The following BBS4 variants were observed in gnomAD, a reference collection of about 807,000 sequenced individuals.
The protein encoded by BBS4 is Bardet-Biedl syndrome 4, also known as BBSome complex member BBS4.
In BBS4, 58 loss-of-function variants were observed where a neutral mutation model predicts 71.4. The ratio of observed to expected loss-of-function variants is 0.81; its 90% CI spans 0.66 to 1.01. The LOEUF is 1.01. Ranked by LOEUF, BBS4 falls within the 50% of genes least tolerant of loss-of-function variation. The pLI is 0.00. For missense variants in BBS4, 660 were observed against 607.9 expected (o/e 1.09, Z -0.90); for synonymous variants, 228 against 216.8 (o/e 1.05, Z -0.46).
chr15:72,721,006 C>A (rs74024330), intron 6 of BBS4, among the ~76,000 whole-genome samples: 14,923 of 152,198 alleles, frequency 0.098, 826 homozygotes, highest in Non-Finnish European at 0.12. Context: ...TACTGTAGAG[C>A]AGGACATTTA....
chr15:72,689,510 A>T (rs918556929), intron 1 of BBS4, among the ~76,000 whole-genome samples: 2 of 152,162 alleles, frequency 1.3e-5, no homozygotes, highest in Admixed American at 1.3e-4. Flanking sequence ...AGGTGAGAGG[A>T]TAACTTGAGT....
chr15:72,735,734 AGTTTT>A (rs912541569), intron 13 of BBS4, 86 bp from the exon 14 acceptor site: 25 of 1,504,844 alleles, frequency 1.7e-5, no homozygotes, highest in Non-Finnish European at 2.0e-5. Flanking sequence ...CTACTTAACC[AGTTTT>A]GTTTTGTTTT....
chr15:72,725,050 A>G lies in BBS4; in HGVS notation c.587+395A>G, dbSNP rs1286248521. On this transcript the variant is annotated intron_variant, in intron 8 of 15. Coordinates refer to ENST00000268057, the MANE Select transcript of BBS4 (RefSeq NM_033028.5). ...AATAAGCATCTGGCTATATATATATATATATATAGAGAGAGAGAGAGAGAG... is the reference window on the plus strand; with the variant it reads ...AATAAGCATCTGGCTATATATATATGTATATATAGAGAGAGAGAGAGAGAG... Among the ~76,000 whole-genome samples the G allele has an allele frequency of 2.9e-5, 3 of 102,782 alleles. No individual in the cohort carries two copies. In the East Asian group the frequency reaches 7.6e-4, roughly 26 times the overall value. The allele number at this position is 102,782 out of a possible 152,430, so 67.4% of individuals were successfully genotyped here. A position where few individuals can be genotyped will look rare whatever the true frequency, so the allele number is the denominator to read the frequency against.
At chr15:72,728,084 ATTTT>A in intron 9 of BBS4, 90 bp downstream of exon 9, 2 of 891,708 alleles carry the variant, frequency 2.2e-6, no homozygotes, top group Non-Finnish European at 3.7e-6. Flanking sequence ...TCTGATATTT[ATTTT>A]ATTAAAGGTC....
At position 72,705,627 on chromosome 15, in the gene BBS4, C is replaced by T. The variant is rs79809038; in HGVS notation, c.77-4073C>T. 6.3e-5 allele frequency among the ~76,000 whole-genome samples: 8 copies of T among 126,774 alleles called. No homozygotes were observed. The East Asian group carries it at 2.0e-3, about 32-fold the overall frequency. The allele number at this position is 126,774 out of a possible 152,430, so 83.2% of individuals were successfully genotyped here. The stretch of plus-strand genomic sequence containing the variant: ...TTTTTTTTTGAGACTGGGTCTCACT[C>T]TGTCACCCAGGTTGGAGTGCAGTGC... On this transcript the variant is annotated intron_variant, in intron 2 of 15. Transcript: ENST00000268057.
Position 72,735,907 on chromosome 15 carries a change from G to T in BBS4, c.1189G>T (p.Glu397Ter). The part of the protein sequence containing the change: ...EKKNALAQYQ[E>*]MEKKVSLLKD... ...GAAGAACGCCCTGGCCCAATATCAG[G>T]AGATGGAGAAGAAAGTCAGCCTACT... Residue 397 changes from glutamate (E) to a stop codon, truncating the protein, a stop_gained, in exon 14 of 16, where the codon GAG becomes TAG. Coordinates refer to ENST00000268057, the MANE Select transcript of BBS4 (RefSeq NM_033028.5). LOFTEE classifies it high-confidence loss of function. The T allele has an allele frequency of 6.2e-7, 1 of 1,614,134 alleles. No homozygotes were observed. The highest frequency in any genetic ancestry group is 8.5e-7 in the Non-Finnish European group (1 of 1,180,026).
At chr15:72,711,013 G>A (rs1020673970) in intron 3 of BBS4, among the ~76,000 whole-genome samples, 1 of 150,462 alleles carries the variant, frequency 6.6e-6, no homozygotes, top group African/African-American at 2.5e-5. Context: ...ATGTTGGTCA[G>A]GCTGGTCTCA....
chr15:72,727,852 A>C, intron 8 of BBS4, 88 bp from the exon 9 acceptor site: 1 of 1,007,674 alleles, frequency 9.9e-7, no homozygotes, highest in Non-Finnish European at 1.6e-6. Flanking sequence ...GGGGTCTGTC[A>C]AGTATTGCAC....
rs1246580209 is a variant in BBS4, at chr15:72,702,800, CTCTTTTTT to C, written c.77-6898_77-6891del. ...TCTTTTTGGTATAGTGAGGAGCTGA[CTCTTTTTT>C]TTTTTTTTTTTTTTTTTGAGACGGA... On this transcript the variant is annotated intron_variant, in intron 2 of 15. Coordinates refer to ENST00000268057, the MANE Select transcript of BBS4 (RefSeq NM_033028.5). Among the ~76,000 whole-genome samples the C allele has an allele frequency of 6.6e-4, 28 of 42,138 alleles. 1 individual carries two copies. The South Asian group carries it at 0.011, about 17-fold the overall frequency. 27.6% of individuals were successfully genotyped at this position (42,138 alleles called of 152,430 possible).
chr15:72,727,287 C>T (rs1296932694), intron 8 of BBS4, among the ~76,000 whole-genome samples: 6 of 152,198 alleles, frequency 3.9e-5, no homozygotes, highest in African/African-American at 1.4e-4. Flanking sequence ...ATCATCTCAA[C>T]TCAGTGTTGC....
At chr15:72,695,946 T>C (rs1268626096) in intron 2 of BBS4, among the ~76,000 whole-genome samples, 1 of 152,232 alleles carries the variant, frequency 6.6e-6, no homozygotes, top group Admixed American at 6.5e-5. Flanking sequence ...AAATAATGTG[T>C]ATTCTGCTCT....
chr15:72,702,900 C>A (rs988530688), intron 2 of BBS4, among the ~76,000 whole-genome samples: 53 of 147,110 alleles, frequency 3.6e-4, no homozygotes, highest in African/African-American at 1.3e-3. Context: ...CTCCGCCTTC[C>A]GGGTTCACGC....
rs1190895619 is a variant in BBS4, at chr15:72,731,617, T to C, written c.927T>C (p.Asn309=). 1 of 1,614,214 alleles carries C rather than the reference T, an allele frequency of 6.2e-7. No homozygotes were observed. Among genetic ancestry groups the C allele is most frequent in the Non-Finnish European group, 8.5e-7 (1 of 1,180,030 alleles). ...LAPFDWKILY[N]LGLVHLTMQQ... is the part of the protein sequence containing the mutation. ...CCTTTGATTGGAAGATTCTGTATAA[T>C]TTGGGCCTTGTCCATTTGACCATGC... is the stretch of plus-strand genomic sequence containing the variant. The change falls in exon 12 of 16, where the codon AAT becomes AAC. Residue 309 remains asparagine (N), a synonymous_variant. Transcript: ENST00000268057.
intron 8 of BBS4, among the ~76,000 whole-genome samples, chr15:72,726,386 G>A (rs1359263910): frequency 2.6e-5 from 4 of 151,406 alleles, no homozygotes. Flanking sequence ...TGCTGGGATT[G>A]CAGGCGTGAA....
At chr15:72,694,174 G>A (rs1216918537) in intron 1 of BBS4, among the ~76,000 whole-genome samples, 3 of 143,744 alleles carry the variant, frequency 2.1e-5, no homozygotes. Flanking sequence ...CATGAGGCAC[G>A]GCGTCTGGCC....
Position 72,714,903 on chromosome 15 carries a change from A to G in BBS4, c.221-388A>G, listed in dbSNP as rs1555499775. Among the ~76,000 whole-genome samples, 3 of 152,220 alleles carry G rather than the reference A, an allele frequency of 2.0e-5. 1 individual carries two copies. Among genetic ancestry groups the G allele is most frequent in the Non-Finnish European group, 4.4e-5 (3 of 68,040 alleles). ...TTGAGGTATTGATTCCATTTGCCCC[A>G]TTTGGGGGTTCGCTCTGAAAACTAT... On this transcript the variant is annotated intron_variant, in intron 4 of 15. Transcript: ENST00000268057.
At chr15:72,698,379 A>G (rs1238643586) in intron 2 of BBS4, among the ~76,000 whole-genome samples, 2 of 152,194 alleles carry the variant, frequency 1.3e-5, no homozygotes, top group African/African-American at 4.8e-5. Context: ...CCATTAAACA[A>G]TAAATCTCCA....
intron 1 of BBS4, chr15:72,686,723 C>T (rs1042722146): frequency 1.2e-5 from 6 of 500,294 alleles, no homozygotes; most frequent in Non-Finnish European, 2.0e-5. Flanking sequence ...TGGAATTCAT[C>T]TGAAGGCTGA....
chr15:72,730,872 TAGAA>T (rs776024167), intron 10 of BBS4, among the ~76,000 whole-genome samples: 6 of 152,094 alleles, frequency 3.9e-5, no homozygotes, highest in Non-Finnish European at 2.9e-5. Context: ...TGTTCTACGG[TAGAA>T]AGAAATTTAC....
Sources: gnomAD v4.1 joint callset for allele counts (sites outside exome capture counted in the v4.1 genomes callset) on GRCh38, gnomAD v4.1.1 for gene constraint, MANE v1.5 for transcripts, NCBI Gene and HGNC (gene_info 2026-07-23, HGNC 2026-07-21) for gene names.